Variants in SASH1 observed in about 807,000 individuals in gnomAD.
The protein encoded by SASH1 is SAM and SH3 domain-containing protein 1.
In SASH1, 44 loss-of-function variants were observed where a neutral mutation model predicts 125.2. The observed-to-expected ratio is 0.35, with a 90% CI of 0.28 to 0.45. The LOEUF is 0.45. Among genes scored for constraint, SASH1 ranks in the 20% least tolerant of loss-of-function variants. SASH1 has a pLI of 1.00. For missense variants in SASH1, 1,426 were observed against 1,614.5 expected (o/e 0.88, Z 2.00); for synonymous variants, 639 against 649.1 (o/e 0.98, Z 0.24).
At chr6:148,331,971 C>T (rs1319964702) in intron 1 of SASH1, among the ~76,000 whole-genome samples, 2 of 152,080 alleles carry the variant, frequency 1.3e-5, no homozygotes, top group Non-Finnish European at 2.9e-5. Context: ...GGTGTGTTCC[C>T]CCCTGCCCTA....
intron 7 of SASH1, among the ~76,000 whole-genome samples, chr6:148,475,278 G>A (rs1229055730): frequency 6.6e-6 from 1 of 152,214 alleles, no homozygotes; most frequent in East Asian, 1.9e-4. Context: ...ATTTTGTGCT[G>A]CTGTAACAGA....
chr6:148,433,000 C>T (rs934616033), intron 2 of SASH1, among the ~76,000 whole-genome samples: 2 of 152,192 alleles, frequency 1.3e-5, no homozygotes, highest in African/African-American at 4.8e-5. Flanking sequence ...AAAGCACACA[C>T]AGGTACACAT....
At chr6:148,200,957 T>G in the SASH1 span, among the ~76,000 whole-genome samples, 1 of 152,332 alleles carries the variant, frequency 6.6e-6, no homozygotes, top group East Asian at 1.9e-4. Flanking sequence ...TTAGAACTTT[T>G]GGCTGATGTG....
rs1466251426 is a variant in SASH1 at position 148,533,422 on chromosome 6, T to TAA, written c.1735-348_1735-347dup. ...TAGGACAGGTGGGAAGTGCCTCCTCTAAGAAGTGGGAGCCCTCTGAGGAGG... is the reference window on the plus strand; with the variant it reads ...TAGGACAGGTGGGAAGTGCCTCCTCTAAAAGAAGTGGGAGCCCTCTGAGGAGG... On this transcript the variant is annotated intron_variant, in intron 14 of 19. Coordinates refer to ENST00000367467, the MANE Select transcript of SASH1 (RefSeq NM_015278.5). This position sits in a 1 kb window ranked among gnomAD's most constrained non-coding sequence, Gnocchi z 6.2. 1.3e-5 allele frequency among the ~76,000 whole-genome samples: 2 copies of TAA among 152,052 alleles called. No individual in the cohort carries two copies.
chr6:148,518,308 A>G (rs1337699025), intron 9 of SASH1, among the ~76,000 whole-genome samples: 1 of 152,050 alleles, frequency 6.6e-6, no homozygotes, highest in East Asian at 1.9e-4. Context: ...TCCACTTTCC[A>G]GCTTCCCCAC....
intron 1 of SASH1, among the ~76,000 whole-genome samples, chr6:148,311,334 T>C (rs1780324701): frequency 6.6e-6 from 1 of 151,258 alleles, no homozygotes; most frequent in South Asian, 2.1e-4. Context: ...CTCAAACTCC[T>C]GACCTTGTGA....
upstream of SASH1, chr6:148,342,669 A>G (rs1028436658): frequency 1.3e-5 from 2 of 152,194 alleles, no homozygotes; most frequent in African/African-American, 4.8e-5. Context: ...GGTCCTGCCA[A>G]GACTTGCTAG....
chr6:148,464,129 G>A (rs962213898), intron 4 of SASH1, among the ~76,000 whole-genome samples: 1 of 152,170 alleles, frequency 6.6e-6, no homozygotes, highest in South Asian at 2.1e-4. Context: ...TTTTCAATGG[G>A]ATTGATAAAT....
chr6:148,498,447 T>C (rs75455225), intron 8 of SASH1, among the ~76,000 whole-genome samples: 2,312 of 151,880 alleles, frequency 0.015, 55 homozygotes, highest in African/African-American at 0.051. Flanking sequence ...AAGGGCCACA[T>C]TGATAAAAAC....
chr6:148,524,963 C>A, intron 10 of SASH1: 1 of 268,854 alleles, frequency 3.7e-6, no homozygotes, highest in South Asian at 4.5e-5. Context: ...GTGCTGGAGA[C>A]AGGGAATCTC....
chr6:148,448,201 G>A (rs2115030558), intron 4 of SASH1, among the ~76,000 whole-genome samples: 1 of 151,868 alleles, frequency 6.6e-6, no homozygotes, highest in East Asian at 1.9e-4. Flanking sequence ...TTGAGCCCTA[G>A]ATCTTTTGCT....
chr6:148,351,511 G>T (rs1781729819), intron 1 of SASH1, among the ~76,000 whole-genome samples: 1 of 151,758 alleles, frequency 6.6e-6, no homozygotes, highest in Non-Finnish European at 1.5e-5. Flanking sequence ...CCTGGTTGTG[G>T]CTTCCTTCTT....
At chr6:148,213,980 A>C in the SASH1 span, among the ~76,000 whole-genome samples, 5 of 152,330 alleles carry the variant, frequency 3.3e-5, no homozygotes, top group East Asian at 9.6e-4. Flanking sequence ...TCCCAAGAGT[A>C]TAAAACTAGA....
chr6:148,286,607 C>T (rs1471149410), intron 1 of SASH1, among the ~76,000 whole-genome samples: 3 of 152,098 alleles, frequency 2.0e-5, no homozygotes, highest in Admixed American at 6.6e-5. Context: ...GCTTGAGGCT[C>T]GCTGTCTTCT....
At chr6:148,531,791 G>A (rs1781533907) in intron 13 of SASH1, 130 bp downstream of exon 13, 1 of 707,050 alleles carries the variant, frequency 1.4e-6, no homozygotes, top group South Asian at 6.2e-5. Flanking sequence ...TAGAGAATCA[G>A]ACCAATAAAC....
At chr6:148,196,909 AGAT>A in the SASH1 span, among the ~76,000 whole-genome samples, 96,298 of 151,566 alleles carry the variant, frequency 0.64, 31,134 homozygotes, top group African/African-American at 0.75. Context: ...CAGATGAAGG[AGAT>A]GATGGTGTCG....
At chr6:148,487,113 A>ACG (rs1778907874) in intron 7 of SASH1, among the ~76,000 whole-genome samples, 1 of 97,632 alleles carries the variant, frequency 1.0e-5, no homozygotes. Flanking sequence ...ACACACACAC[A>ACG]TATATATATA....
intron 1 of SASH1, among the ~76,000 whole-genome samples, chr6:148,365,394 A>T (rs1370553605): frequency 6.7e-6 from 1 of 149,552 alleles, no homozygotes; most frequent in Non-Finnish European, 1.5e-5. Context: ...GTTTTATTGG[A>T]TCAAATTCTT....
intron 4 of SASH1, among the ~76,000 whole-genome samples, chr6:148,456,350 G>A (rs1418498287): frequency 6.6e-6 from 1 of 152,212 alleles, no homozygotes; most frequent in Non-Finnish European, 1.5e-5. Context: ...GCGTGTGGCA[G>A]CCCATTCTCA....
Sources: allele counts gnomAD v4.1 joint callset (sites outside exome capture counted in the v4.1 genomes callset), GRCh38; gene constraint gnomAD v4.1.1; non-coding constraint Gnocchi (gnomAD v3.1); transcripts MANE v1.5; gene names NCBI Gene and HGNC (gene_info 2026-07-23, HGNC 2026-07-21).